The following HDAC9 variants were observed in gnomAD, a reference collection of about 807,000 sequenced individuals.
HDAC9 encodes histone deacetylase 9, also known as MEF-2 interacting transcription repressor (MITR) protein.
A neutral mutation model predicts 139.4 loss-of-function variants in HDAC9; 41 were observed. That is an observed-to-expected ratio of 0.29 (90% CI 0.23 to 0.38). HDAC9 has a LOEUF of 0.38. HDAC9 is among the 10% of genes least tolerant of loss of function. HDAC9 has a pLI of 1.00. For missense variants in HDAC9, 1,147 were observed against 1,297.0 expected, an observed-to-expected ratio of 0.88 and a Z score of 1.78; for synonymous variants, 517 against 476.2, an observed-to-expected ratio of 1.09 and a Z score of -1.12.
At chr7:18,481,311 A>G (rs1218917562) in intron 1 of HDAC9, among the ~76,000 whole-genome samples, 1 of 152,222 alleles carries the variant, frequency 6.6e-6, no homozygotes, top group East Asian at 1.9e-4. Context: ...TTTAGAGTAC[A>G]TATTTAACAG....
chr7:18,663,638 T>C (rs1003864829), intron 11 of HDAC9, among the ~76,000 whole-genome samples: 5 of 152,122 alleles, frequency 3.3e-5, no homozygotes, highest in African/African-American at 1.2e-4. Flanking sequence ...GGGTATCTAC[T>C]TGAATCCTTA....
chr7:18,683,866 A>G (rs1251792613), intron 12 of HDAC9, among the ~76,000 whole-genome samples: 1 of 151,972 alleles, frequency 6.6e-6, no homozygotes, highest in Non-Finnish European at 1.5e-5. Context: ...AACTTTTTTA[A>G]TTTTCAAGTT....
intron 1 of HDAC9, among the ~76,000 whole-genome samples, chr7:18,161,325 A>G (rs546411649): frequency 1.3e-5 from 2 of 152,352 alleles, no homozygotes; most frequent in African/African-American, 4.8e-5. Flanking sequence ...AAAAATAGCA[A>G]TAACACTTTC....
chr7:18,458,830 T>A, intron 1 of HDAC9: 1 of 1,532,792 alleles, frequency 6.5e-7, no homozygotes, highest in Non-Finnish European at 8.7e-7. Flanking sequence ...CCTGACTTTC[T>A]TATCCCCACA....
chr7:18,732,850 TGTATGTGTGC>T (rs1786344095), intron 13 of HDAC9, among the ~76,000 whole-genome samples: 2 of 66,802 alleles, frequency 3.0e-5, no homozygotes, highest in South Asian at 9.8e-4. Context: ...CACACACGTG[TGTATGTGTGC>T]GTATGTGTAC....
chr7:18,893,300 G>A (rs948547722), intron 22 of HDAC9, among the ~76,000 whole-genome samples: 1 of 152,034 alleles, frequency 6.6e-6, no homozygotes, highest in Non-Finnish European at 1.5e-5. Flanking sequence ...GGGCAGCAGC[G>A]TGAAGGAACA....
At chr7:18,828,567 G>C (rs1472586823) in intron 17 of HDAC9, among the ~76,000 whole-genome samples, 2 of 152,208 alleles carry the variant, frequency 1.3e-5, no homozygotes, top group Non-Finnish European at 2.9e-5. Context: ...AAAGTTGCAA[G>C]TCTTGGCGGT....
intron 1 of HDAC9, among the ~76,000 whole-genome samples, chr7:18,465,688 G>C (rs1171647592): frequency 2.6e-5 from 4 of 151,924 alleles, no homozygotes; most frequent in African/African-American, 9.7e-5. Flanking sequence ...TTTTTTTTGA[G>C]ACTAAAGTCT....
At chr7:18,493,977 G>T (rs1344374301), upstream of HDAC9, among the ~76,000 whole-genome samples, 1 of 151,972 alleles carries the variant, frequency 6.6e-6, no homozygotes, top group Admixed American at 6.6e-5. Context: ...TGTGATGATA[G>T]TTACTACTTC....
At chr7:18,526,564 G>T (rs749988862) in intron 2 of HDAC9, among the ~76,000 whole-genome samples, 3 of 152,108 alleles carry the variant, frequency 2.0e-5, no homozygotes, top group Non-Finnish European at 4.4e-5. Context: ...TATTATCAAA[G>T]CTAATCTCAT....
chr7:18,987,008 T>G (rs1293178496), intron 25 of HDAC9, among the ~76,000 whole-genome samples: 1 of 152,244 alleles, frequency 6.6e-6, no homozygotes, highest in Non-Finnish European at 1.5e-5. Flanking sequence ...TCATGTCATC[T>G]GCAAACAGGG....
chr7:18,808,419 GA>G (rs1218802744), intron 17 of HDAC9: 1 of 152,090 alleles, frequency 6.6e-6, no homozygotes, highest in Non-Finnish European at 1.5e-5. Context: ...TCTATGTATA[GA>G]AAACCCTAAA....
rs537825680 is a variant in HDAC9 at position 18,622,297 on chromosome 7, A to C, written c.665-7053A>C. 7.2e-5 allele frequency among the ~76,000 whole-genome samples: 11 copies of C among 152,248 alleles called. No homozygotes were observed. The South Asian group carries it at 1.5e-3, about 20-fold the overall frequency. On this transcript the variant is annotated intron_variant, in intron 6 of 25. Coordinates refer to ENST00000686413, the MANE Select transcript of HDAC9 (RefSeq NM_178425.4). ...CAGGTGGAATCATTGTATATCCCAA[A>C]TATTCATTATTTTAAAAACATGTAT...
chr7:18,942,182 AAT>A (rs2129315360), intron 23 of HDAC9, among the ~76,000 whole-genome samples: 1 of 152,206 alleles, frequency 6.6e-6, no homozygotes, highest in African/African-American at 2.4e-5. Context: ...GTGCTTTGGG[AAT>A]ATAACATAAA....
intron 2 of HDAC9, among the ~76,000 whole-genome samples, chr7:18,215,290 T>C (rs1177542449): frequency 1.3e-5 from 2 of 152,168 alleles, no homozygotes; most frequent in Non-Finnish European, 2.9e-5. Context: ...AGAGACATTA[T>C]AGACATATTA....
chr7:18,596,077 G>T (rs372578957), intron 6 of HDAC9, among the ~76,000 whole-genome samples: 1 of 151,988 alleles, frequency 6.6e-6, no homozygotes, highest in South Asian at 2.1e-4. Flanking sequence ...AAAATCCCTG[G>T]TCTTTTCTAG....
intron 2 of HDAC9, among the ~76,000 whole-genome samples, chr7:18,535,402 A>G (rs1810535085): frequency 2.0e-5 from 3 of 152,074 alleles, no homozygotes; most frequent in Admixed American, 2.0e-4. Context: ...AGCCATTCTG[A>G]GAAAGTTCCT....
At chr7:18,567,395 C>T (rs1277475166) in intron 2 of HDAC9, among the ~76,000 whole-genome samples, 1 of 152,150 alleles carries the variant, frequency 6.6e-6, no homozygotes, top group African/African-American at 2.4e-5. Flanking sequence ...TTTGTTTAAC[C>T]ATGATAATAC....
intron 2 of HDAC9, among the ~76,000 whole-genome samples, chr7:18,209,976 AGGCGTGAGC>A (rs745514279): frequency 1.3e-5 from 2 of 151,806 alleles, no homozygotes; most frequent in Non-Finnish European, 2.9e-5. Flanking sequence ...TTGGGATTAC[AGGCGTGAGC>A]CACCGCGCCC....
Sources: gnomAD v4.1 joint callset for allele counts (sites outside exome capture counted in the v4.1 genomes callset) on GRCh38, gnomAD v4.1.1 for gene constraint, MANE v1.5 for transcripts, NCBI Gene and HGNC (gene_info 2026-07-23, HGNC 2026-07-21) for gene names.